Variants in MYO6 observed in about 807,000 individuals in gnomAD.
MYO6 encodes the protein myosin VI.
MYO6 carries 74 observed loss-of-function variants against 178.7 expected under a neutral mutation model. The ratio of observed to expected loss-of-function variants is 0.41; its 90% CI spans 0.34 to 0.50. The LOEUF (loss-of-function observed/expected upper bound fraction) is 0.50. Ranked by LOEUF, MYO6 falls within the 20% of genes least tolerant of loss-of-function variation. The pLI is 0.09. For missense variants in MYO6, 1,330 were observed against 1,547.4 expected (o/e 0.86, Z 2.36); for synonymous variants, 477 against 504.6 (o/e 0.95, Z 0.73).
chr6:75,887,179 G>A (rs1191563869), intron 25 of MYO6, among the ~76,000 whole-genome samples, 185 bp downstream of exon 25: 3 of 152,144 alleles, frequency 2.0e-5, no homozygotes, highest in Non-Finnish European at 2.9e-5. Flanking sequence ...AAATTTCATA[G>A]CAAAAAGTTA....
rs3798454 is a variant in MYO6 at position 75,775,763 on chromosome 6, G to C, written c.-48+26340G>C. Among the ~76,000 whole-genome samples the C allele has an allele frequency of 1.8e-3, 269 of 152,294 alleles. 6 individuals are homozygous for C. The East Asian group carries it at 0.039, about 22-fold the overall frequency. On this transcript the variant is annotated intron_variant, in intron 1 of 34. Transcript: ENST00000369977. ...TTAAAGTTTAGTAATGCATTGGTTTGAGGGAATATGGTCTGAGTCACAAAT... is the reference window on the plus strand; with the variant it reads ...TTAAAGTTTAGTAATGCATTGGTTTCAGGGAATATGGTCTGAGTCACAAAT...
At chr6:75,889,528 C>A (rs1020081272) in intron 25 of MYO6, among the ~76,000 whole-genome samples, 10 of 152,178 alleles carry the variant, frequency 6.6e-5, no homozygotes, top group Non-Finnish European at 1.3e-4. Flanking sequence ...CTGCCTCAGC[C>A]TCCCGAGTAG....
At chr6:75,828,987 A>G (rs995601040) in intron 4 of MYO6, among the ~76,000 whole-genome samples, 2 of 152,116 alleles carry the variant, frequency 1.3e-5, no homozygotes, top group Admixed American at 6.6e-5. Flanking sequence ...CACTTTCCAC[A>G]TTGTTTGGAA....
At chr6:75,757,132 C>T (rs765937006) in intron 1 of MYO6, among the ~76,000 whole-genome samples, 3 of 140,054 alleles carry the variant, frequency 2.1e-5, no homozygotes, top group Non-Finnish European at 4.6e-5. Flanking sequence ...TATGTATATA[C>T]AAGAGTACTT....
At chr6:75,859,728 C>T (rs1203604557) in intron 14 of MYO6, among the ~76,000 whole-genome samples, 4 of 147,498 alleles carry the variant, frequency 2.7e-5, no homozygotes, top group South Asian at 2.1e-4. Flanking sequence ...GGCGCGATCT[C>T]GGCTCACTGC....
In MYO6 at chr6:75,912,731, A is replaced by G. The variant is rs561778713; in HGVS notation, c.3439+1033A>G. Among the ~76,000 whole-genome samples, 26 of 152,246 alleles carry G rather than the reference A, an allele frequency of 1.7e-4. 1 individual carries two copies. In the East Asian group the frequency reaches 4.8e-3, roughly 28 times the overall value. On this transcript the variant is annotated intron_variant, in intron 33 of 34. Coordinates refer to ENST00000369977, the MANE Select transcript of MYO6 (RefSeq NM_004999.4). ...TGAATTAGTACATTTTCAACAATGT[A>G]GGGAGTTTTGAAAACTTAAAAGTAG...
At chr6:75,770,418 T>A (rs1016652336) in intron 1 of MYO6, among the ~76,000 whole-genome samples, 2 of 152,188 alleles carry the variant, frequency 1.3e-5, no homozygotes, top group African/African-American at 4.8e-5. Context: ...TGTTGTTTAT[T>A]ATATATAGTA....
intron 31 of MYO6, among the ~76,000 whole-genome samples, chr6:75,908,134 G>T (rs1318071322): frequency 6.6e-6 from 1 of 152,002 alleles, no homozygotes; most frequent in Non-Finnish European, 1.5e-5. Flanking sequence ...AAAATGTCTT[G>T]CTTGTAAATC....
intron 1 of MYO6, among the ~76,000 whole-genome samples, chr6:75,802,989 G>A (rs2150122821): frequency 6.6e-6 from 1 of 152,178 alleles, no homozygotes; most frequent in South Asian, 2.1e-4. Context: ...TAAAAATACA[G>A]GGCTTTTTCT....
chr6:75,893,148 T>G (rs946999188), intron 28 of MYO6, among the ~76,000 whole-genome samples: 2 of 152,176 alleles, frequency 1.3e-5, no homozygotes, highest in African/African-American at 4.8e-5. Context: ...AGAACTCTAC[T>G]CTGCAATGCC....
chr6:75,869,986 C>T (rs1262787272), intron 18 of MYO6, among the ~76,000 whole-genome samples: 3 of 151,534 alleles, frequency 2.0e-5, no homozygotes, highest in African/African-American at 4.9e-5. Flanking sequence ...TGGTGGTGGG[C>T]GCCTGTAATC....
chr6:75,795,028 G>A (rs1768663774), intron 1 of MYO6, among the ~76,000 whole-genome samples: 1 of 152,204 alleles, frequency 6.6e-6, no homozygotes, highest in Admixed American at 6.5e-5. Context: ...AATTTTAATT[G>A]TTGAATAATC....
intron 23 of MYO6, among the ~76,000 whole-genome samples, 189 bp from the exon 24 acceptor site, chr6:75,885,815 G>A (rs1478494039): frequency 6.6e-6 from 1 of 152,144 alleles, no homozygotes; most frequent in Admixed American, 6.5e-5. Flanking sequence ...TCCAGCCTGG[G>A]TTGAGACTGT....
intron 1 of MYO6, among the ~76,000 whole-genome samples, chr6:75,800,901 A>G (rs1238560839): frequency 6.6e-6 from 1 of 152,116 alleles, no homozygotes; most frequent in Non-Finnish European, 1.5e-5. Context: ...TTGTATTTTT[A>G]GTAGAGATGG....
chr6:75,764,623 G>A (rs1778243880), intron 1 of MYO6, among the ~76,000 whole-genome samples: 2 of 152,054 alleles, frequency 1.3e-5, no homozygotes, highest in African/African-American at 4.8e-5. Flanking sequence ...TTGATCAGTG[G>A]ATCTCAGGTC....
At chr6:75,773,143 C>T (rs1766048931) in intron 1 of MYO6, among the ~76,000 whole-genome samples, 1 of 152,064 alleles carries the variant, frequency 6.6e-6, no homozygotes, top group Admixed American at 6.6e-5. Context: ...CAGATTCTTC[C>T]CAATTTGAAC....
intron 11 of MYO6, among the ~76,000 whole-genome samples, chr6:75,850,209 C>T (rs547362488): frequency 2.6e-5 from 4 of 151,950 alleles, no homozygotes; most frequent in South Asian, 4.2e-4. Context: ...GGAAGGCCAG[C>T]GGGCACCTCC....
At chr6:75,776,135 G>A (rs773392266) in intron 1 of MYO6, among the ~76,000 whole-genome samples, 2 of 152,096 alleles carry the variant, frequency 1.3e-5, no homozygotes, top group Non-Finnish European at 2.9e-5. Context: ...AGTTGTAAAC[G>A]CTTGATTTTA....
chr6:75,782,292 G>A (rs1468172921), intron 1 of MYO6, among the ~76,000 whole-genome samples: 1 of 151,914 alleles, frequency 6.6e-6, no homozygotes, highest in African/African-American at 2.4e-5. Context: ...AGATTTTGTG[G>A]ATTTATCTTG....
Sources: gnomAD v4.1 joint callset for allele counts (sites outside exome capture counted in the v4.1 genomes callset) on GRCh38, gnomAD v4.1.1 for gene constraint, MANE v1.5 for transcripts, NCBI Gene and HGNC (gene_info 2026-07-23, HGNC 2026-07-21) for gene names.